Variants in ABHD17C observed in about 807,000 individuals in gnomAD.
The protein encoded by ABHD17C is abhydrolase domain containing 17C, depalmitoylase.
A neutral mutation model predicts 27.9 loss-of-function variants in ABHD17C; 11 were observed. The ratio of observed to expected loss-of-function variants is 0.39; its 90% CI spans 0.25 to 0.65. The LOEUF (loss-of-function observed/expected upper bound fraction) is 0.65. ABHD17C is among the 30% of genes least tolerant of loss of function. ABHD17C has a pLI of 0.45. For missense variants in ABHD17C, 280 were observed against 470.2 expected (o/e 0.60, Z 3.74); for synonymous variants, 233 against 209.1 (o/e 1.11, Z -0.98).
chr15:80,695,398 G>GCCGGGCCGGCGGCGGGCA lies in ABHD17C; in HGVS notation c.-29_-12dup. 1 of 1,192,182 alleles carries GCCGGGCCGGCGGCGGGCA rather than the reference G, an allele frequency of 8.4e-7. No individual in the cohort carries two copies. The highest frequency in any genetic ancestry group is 1.0e-6 in the Non-Finnish European group (1 of 953,042). 73.9% of individuals were successfully genotyped at this position (1,192,182 alleles called of 1,614,324 possible). A position where few individuals can be genotyped will look rare whatever the true frequency, so the allele number is the denominator to read the frequency against. On this transcript the variant is annotated 5_prime_UTR_variant, in exon 1 of 3. Coordinates refer to ENST00000258884, the MANE Select transcript of ABHD17C (RefSeq NM_021214.2). This position sits in a 1 kb window ranked among gnomAD's most constrained non-coding sequence, Gnocchi z 4.3. ...CCCGGGCCAGCCAGCCAGCCAGCCA[G>GCCGGGCCGGCGGCGGGCA]CCGGGCCGGCGGCGGGCACCAGGCC...
chr15:80,710,827 T>C (rs1894719206), intron 1 of ABHD17C, among the ~76,000 whole-genome samples: 3 of 152,118 alleles, frequency 2.0e-5, no homozygotes, highest in Non-Finnish European at 4.4e-5. Context: ...TGCCCCTGCC[T>C]CTGCCTCCCT....
At position 80,695,681 on chromosome 15, in the gene ABHD17C, C is replaced by G; in HGVS notation, c.252C>G (p.Pro84=). 1 of 1,479,928 alleles carries G rather than the reference C, an allele frequency of 6.8e-7. No individual in the cohort carries two copies. The highest frequency in any genetic ancestry group is 8.9e-7 in the Non-Finnish European group (1 of 1,124,410). The allele number at this position is 1,479,928 out of a possible 1,614,324, so 91.7% of individuals were successfully genotyped here. A position where few individuals can be genotyped will look rare whatever the true frequency, so the allele number is the denominator to read the frequency against. ...CCGAGGAGGGCGCGGGCGCGGGGCC[C>G]GGTGCGTGCAGCCTGCACCTCAGCG... ...QQPEEGAGAG[P]GACSLHLSER... The change falls in exon 1 of 3, where the codon CCC becomes CCG. Residue 84 remains proline (P), a synonymous_variant. Coordinates refer to ENST00000258884, the MANE Select transcript of ABHD17C (RefSeq NM_021214.2). The surrounding 1 kb of genome is among the most constrained non-coding windows in gnomAD (Gnocchi z 4.3).
intron 1 of ABHD17C, among the ~76,000 whole-genome samples, chr15:80,726,428 T>C (rs1894976483): frequency 6.6e-6 from 1 of 152,196 alleles, no homozygotes. Context: ...AGAAAAGATT[T>C]TTCTGCATCT....
chr15:80,732,350 G>A (rs924392184), intron 1 of ABHD17C, among the ~76,000 whole-genome samples: 1 of 152,150 alleles, frequency 6.6e-6, no homozygotes, highest in African/African-American at 2.4e-5. Flanking sequence ...GCTTCTCCAC[G>A]TTTAGTCCAT....
chr15:80,712,543 G>A (rs1363630647), intron 1 of ABHD17C, among the ~76,000 whole-genome samples: 1 of 152,226 alleles, frequency 6.6e-6, no homozygotes, highest in Non-Finnish European at 1.5e-5. Context: ...AGCCTCACCT[G>A]TCTATGGGTG....
chr15:80,723,138 ATGTGTGTGTG>A (rs57751486), intron 1 of ABHD17C, among the ~76,000 whole-genome samples: 21 of 124,936 alleles, frequency 1.7e-4, no homozygotes, highest in African/African-American at 8.2e-4. Flanking sequence ...GTGTGTATAT[ATGTGTGTGTG>A]TGTGTGTGTG....
intron 1 of ABHD17C, among the ~76,000 whole-genome samples, chr15:80,740,171 A>G (rs1596071968): frequency 6.6e-6 from 1 of 152,082 alleles, no homozygotes; most frequent in Non-Finnish European, 1.5e-5. Flanking sequence ...TGACCTCATT[A>G]CTTACTTTTC....
rs776429639 is a variant in ABHD17C at position 80,749,529 on chromosome 15, G to A, written c.607G>A (p.Glu203Lys). 4.3e-6 allele frequency: 7 copies of A among 1,613,706 alleles called. No individual in the cohort carries two copies. The highest frequency in any genetic ancestry group is 5.9e-6 in the Non-Finnish European group (7 of 1,179,758). ...ALRTRYGVSP[E>K]NIILYGQSIG... is the part of the protein sequence containing the mutation. ...TTTCTCCAGGTATGGCGTGAGTCCC[G>A]AGAACATTATCCTCTATGGTCAGAG... Residue 203 changes from glutamate (E) to lysine (K), a missense_variant, in exon 2 of 3, where the codon GAG becomes AAG. Glu to Lys is a moderately conservative substitution (Grantham distance 56). This residue lies in a region of ABHD17C where 206 missense variants were observed against 394.7 expected (regional missense o/e 0.52). Transcript: ENST00000258884.
At chr15:80,728,499 C>T (rs1895013697) in intron 1 of ABHD17C, among the ~76,000 whole-genome samples, 1 of 151,684 alleles carries the variant, frequency 6.6e-6, no homozygotes, top group Non-Finnish European at 1.5e-5. Context: ...CAGATCCAGG[C>T]CTCATCCATT....
intron 1 of ABHD17C, among the ~76,000 whole-genome samples, chr15:80,742,140 A>C (rs2041333062): frequency 6.6e-6 from 1 of 152,218 alleles, no homozygotes; most frequent in African/African-American, 2.4e-5. Context: ...TCTACTGTAT[A>C]TACATATATA....
chr15:80,733,843 C>T (rs956423072), intron 1 of ABHD17C, among the ~76,000 whole-genome samples: 5 of 152,054 alleles, frequency 3.3e-5, no homozygotes, highest in African/African-American at 1.2e-4. Context: ...CCTTGGCAAT[C>T]AAATTGATAA....
At chr15:80,712,629 G>A (rs140916861) in intron 1 of ABHD17C, among the ~76,000 whole-genome samples, 3 of 152,336 alleles carry the variant, frequency 2.0e-5, no homozygotes, top group African/African-American at 7.2e-5. Flanking sequence ...TTAGGGAGGA[G>A]TGTGTCCATC....
At chr15:80,749,838 A>AT in intron 2 of ABHD17C, 146 bp downstream of exon 2, 1 of 939,502 alleles carries the variant, frequency 1.1e-6, no homozygotes. Context: ...GTGGGAGCAA[A>AT]TATGACACAC....
intron 1 of ABHD17C, among the ~76,000 whole-genome samples, chr15:80,725,229 C>G (rs1228369964): frequency 1.3e-5 from 2 of 152,138 alleles, no homozygotes; most frequent in African/African-American, 2.4e-5. Context: ...AACACTGAAC[C>G]CATAAATACA....
intron 1 of ABHD17C, among the ~76,000 whole-genome samples, chr15:80,748,877 C>T (rs1895327880): frequency 1.3e-5 from 2 of 151,650 alleles, no homozygotes; most frequent in Admixed American, 1.3e-4. Context: ...CACCAGGCTG[C>T]AAGGGAGGCT....
At chr15:80,707,853 A>G (rs1318406787) in intron 1 of ABHD17C, among the ~76,000 whole-genome samples, 2 of 152,204 alleles carry the variant, frequency 1.3e-5, no homozygotes, top group African/African-American at 4.8e-5. Context: ...TCATATATTT[A>G]ATTGGAATAA....
intron 1 of ABHD17C, among the ~76,000 whole-genome samples, chr15:80,727,128 G>T (rs993472940): frequency 2.6e-5 from 4 of 152,200 alleles, no homozygotes; most frequent in Admixed American, 6.5e-5. Flanking sequence ...GTTGTAGGGG[G>T]TGTGATGAAT....
chr15:80,727,709 A>G (rs775820776), intron 1 of ABHD17C, among the ~76,000 whole-genome samples: 3 of 151,986 alleles, frequency 2.0e-5, no homozygotes, highest in Non-Finnish European at 4.4e-5. Context: ...GGGGCCAATG[A>G]CCAGTCGGGT....
At position 80,695,741 on chromosome 15, in the gene ABHD17C, G is replaced by A. The variant is rs1342282368; in HGVS notation, c.312G>A (p.Leu104=). Residue 104 remains leucine (L), a synonymous_variant, in exon 1 of 3, where the codon CTG becomes CTA. Transcript: ENST00000258884. The surrounding 1 kb of genome is among the most constrained non-coding windows in gnomAD (Gnocchi z 4.3). ...ACTGGCAGTACTCGCAGCGCGAGCT[G>A]GACGCCGTCGAGGTCTTCTTCTCGC... ...RADWQYSQRE[L]DAVEVFFSRT... 6.5e-7 allele frequency: 1 copy of A among 1,534,844 alleles called. No homozygotes were observed. The highest frequency in any genetic ancestry group is 1.2e-5 in the South Asian group (1 of 83,986).
Sources: gnomAD v4.1 joint callset for allele counts (sites outside exome capture counted in the v4.1 genomes callset) on GRCh38, gnomAD v4.1.1 for gene constraint, gnomAD v4.1.1 regional missense constraint, Gnocchi (gnomAD v3.1) non-coding constraint, MANE v1.5 for transcripts, NCBI Gene and HGNC (gene_info 2026-07-23, HGNC 2026-07-21) for gene names.